GBE1: variants seen among roughly 807,000 people sequenced by gnomAD.
GBE1 encodes the protein 1,4-alpha-glucan branching enzyme 1, also known as 1,4-alpha-glucan-branching enzyme.
A neutral mutation model predicts 88.8 loss-of-function variants in GBE1; 70 were observed. The ratio of observed to expected loss-of-function variants is 0.79; its 90% CI spans 0.65 to 0.96. The LOEUF (loss-of-function observed/expected upper bound fraction) is 0.96. Ranked by LOEUF, GBE1 falls within the 40% of genes least tolerant of loss-of-function variation. The pLI, the probability that GBE1 is intolerant of heterozygous loss-of-function variation, is 0.00. For missense variants in GBE1, 872 were observed against 871.0 expected, an observed-to-expected ratio of 1.00 and a Z score of -0.01; for synonymous variants, 284 against 300.1, an observed-to-expected ratio of 0.95 and a Z score of 0.56.
intron 8 of GBE1, among the ~76,000 whole-genome samples, chr3:81,592,764 G>A (rs1703896457): frequency 9.9e-5 from 15 of 151,500 alleles, no homozygotes. Context: ...TTTCTGCAGG[G>A]GCACGTAGGT....
intron 7 of GBE1, among the ~76,000 whole-genome samples, chr3:81,629,621 T>A (rs1329961669): frequency 6.6e-6 from 1 of 152,190 alleles, no homozygotes; most frequent in Non-Finnish European, 1.5e-5. Flanking sequence ...GCTATACCTG[T>A]GTCATTCAAT....
intron 1 of GBE1, among the ~76,000 whole-genome samples, chr3:81,726,444 G>A (rs758327039): frequency 3.9e-4 from 60 of 152,042 alleles, no homozygotes; most frequent in Non-Finnish European, 6.8e-4. Flanking sequence ...CAGTGTAACA[G>A]GCAGTGAAGT....
intron 7 of GBE1, among the ~76,000 whole-genome samples, chr3:81,633,202 C>T (rs183618520): frequency 1.3e-5 from 2 of 152,254 alleles, no homozygotes; most frequent in South Asian, 2.1e-4. Context: ...AGTCTGACCA[C>T]AGATAATCAT....
chr3:81,655,278 T>C (rs903713634), intron 3 of GBE1, among the ~76,000 whole-genome samples: 1 of 151,960 alleles, frequency 6.6e-6, no homozygotes, highest in African/African-American at 2.4e-5. Context: ...ACAACTGACC[T>C]CAGGTGATCT....
chr3:81,756,220 T>G (rs1023595355), intron 1 of GBE1, among the ~76,000 whole-genome samples: 1 of 152,192 alleles, frequency 6.6e-6, no homozygotes, highest in Non-Finnish European at 1.5e-5. Context: ...AGCTATTTTC[T>G]TGATTTATTC....
chr3:81,694,506 C>T (rs1419141632), intron 2 of GBE1, among the ~76,000 whole-genome samples: 4 of 152,104 alleles, frequency 2.6e-5, no homozygotes, highest in Non-Finnish European at 4.4e-5. Context: ...CTCCAGCTCC[C>T]CGCCTCCTTC....
At chr3:81,511,682 C>A (rs1183282192) in intron 14 of GBE1, among the ~76,000 whole-genome samples, 2 of 151,792 alleles carry the variant, frequency 1.3e-5, no homozygotes, top group African/African-American at 2.4e-5. Flanking sequence ...AGTCAAAAAA[C>A]AACAGATGCT....
chr3:81,650,614 A>T (rs1255604680), intron 3 of GBE1, among the ~76,000 whole-genome samples: 5 of 152,200 alleles, frequency 3.3e-5, no homozygotes, highest in African/African-American at 4.8e-5. Context: ...ATGATTTTGA[A>T]TTTATCCAGC....
intron 1 of GBE1, among the ~76,000 whole-genome samples, chr3:81,748,559 C>G (rs749004189): frequency 6.6e-6 from 1 of 151,998 alleles, no homozygotes; most frequent in African/African-American, 2.4e-5. Flanking sequence ...TGCAGTGAGC[C>G]GAGACCGCGC....
intron 12 of GBE1, among the ~76,000 whole-genome samples, chr3:81,539,948 A>G (rs1703123155): frequency 1.3e-5 from 2 of 152,004 alleles, no homozygotes; most frequent in South Asian, 2.1e-4. Context: ...TAAAGCCTCA[A>G]TAAGCAAAGA....
intron 7 of GBE1, among the ~76,000 whole-genome samples, chr3:81,620,333 C>A (rs1346701039): frequency 1.3e-5 from 2 of 151,980 alleles, no homozygotes; most frequent in Non-Finnish European, 2.9e-5. Flanking sequence ...CAGGGGCCTG[C>A]CACCACGCCC....
In GBE1 at chr3:81,661,463, C is replaced by T. The variant is rs771623557; in HGVS notation, c.429+9375G>A. Among the ~76,000 whole-genome samples, 46 of 152,192 alleles carry T rather than the reference C, an allele frequency of 3.0e-4. 1 individual carries two copies. Among genetic ancestry groups the T allele is most frequent in the Non-Finnish European group, 5.9e-4 (40 of 68,030 alleles). ...TTTTCTAAAATGTATCCCACAACCA[C>T]CTGTCGCATTAAACACTTGTTGAGA... is the stretch of plus-strand genomic sequence containing the variant. On this transcript the variant is annotated intron_variant, in intron 3 of 15. Transcript: ENST00000429644.
chr3:81,637,534 A>G (rs1405791903), intron 7 of GBE1, among the ~76,000 whole-genome samples: 1 of 152,148 alleles, frequency 6.6e-6, no homozygotes, highest in African/African-American at 2.4e-5. Flanking sequence ...TAACTTTACC[A>G]AATAATACCA....
chr3:81,677,261 C>T (rs1271535298), intron 2 of GBE1, among the ~76,000 whole-genome samples: 1 of 152,146 alleles, frequency 6.6e-6, no homozygotes, highest in Non-Finnish European at 1.5e-5. Context: ...CTGCCACACC[C>T]AGACAAGCAG....
intron 7 of GBE1, among the ~76,000 whole-genome samples, chr3:81,609,958 T>C (rs927199597): frequency 6.6e-6 from 1 of 151,756 alleles, no homozygotes; most frequent in African/African-American, 2.4e-5. Context: ...GAGGGATAAA[T>C]GAGGAAAAAA....
intron 2 of GBE1, among the ~76,000 whole-genome samples, chr3:81,683,079 G>A (rs965740439): frequency 2.6e-5 from 4 of 152,104 alleles, no homozygotes; most frequent in Non-Finnish European, 5.9e-5. Flanking sequence ...TGGTTGCCTA[G>A]TGCTGGGGAA....
chr3:81,654,325 G>A (rs764763284), intron 3 of GBE1, among the ~76,000 whole-genome samples: 10 of 150,436 alleles, frequency 6.6e-5, no homozygotes, highest in South Asian at 2.1e-4. Flanking sequence ...ACAAAAAAGT[G>A]TGTGTGTGTG....
chr3:81,524,613 A>AC (rs1026986402), intron 14 of GBE1, among the ~76,000 whole-genome samples: 1 of 151,856 alleles, frequency 6.6e-6, no homozygotes, highest in Non-Finnish European at 1.5e-5. Context: ...ATCTAGCTTC[A>AC]TTTTTCCACA....
At chr3:81,582,162 A>C (rs972955360) in intron 10 of GBE1, among the ~76,000 whole-genome samples, 1 of 152,108 alleles carries the variant, frequency 6.6e-6, no homozygotes, top group African/African-American at 2.4e-5. Flanking sequence ...TTATGAGAAC[A>C]TAAGCAGTTC....
Sources: allele counts gnomAD v4.1 joint callset (sites outside exome capture counted in the v4.1 genomes callset), GRCh38; gene constraint gnomAD v4.1.1; transcripts MANE v1.5; gene names NCBI Gene and HGNC (gene_info 2026-07-23, HGNC 2026-07-21).